Variants in SEMA3C observed in about 807,000 individuals in gnomAD.
SEMA3C encodes semaphorin-3C.
SEMA3C carries 47 observed loss-of-function variants against 89.4 expected under a neutral mutation model. The observed-to-expected ratio is 0.53, with a 90% CI of 0.42 to 0.67. SEMA3C has a LOEUF of 0.67. SEMA3C is among the 30% of genes least tolerant of loss of function. The pLI, the probability that SEMA3C is intolerant of heterozygous loss-of-function variation, is 0.00. For synonymous variants in SEMA3C, 310 were observed against 320.2 expected (o/e 0.97, Z 0.34); for missense variants, 839 against 929.1 (o/e 0.90, Z 1.26).
intron 12 of SEMA3C, among the ~76,000 whole-genome samples, chr7:80,768,512 TAA>T (rs10562607): frequency 0.14 from 18,640 of 133,978 alleles, 1,154 homozygotes; most frequent in African/African-American, 0.16. Flanking sequence ...AGACTCCGTC[TAA>T]AAAAAAAAAA....
intron 2 of SEMA3C, among the ~76,000 whole-genome samples, chr7:80,858,076 G>T (rs57824516): frequency 6.6e-6 from 1 of 151,754 alleles, no homozygotes; most frequent in African/African-American, 2.4e-5. Flanking sequence ...ATATTTTTAT[G>T]TGTCTAAAAG....
At chr7:80,902,105 A>T (rs975312352) in intron 2 of SEMA3C, among the ~76,000 whole-genome samples, 12 of 152,158 alleles carry the variant, frequency 7.9e-5, no homozygotes, top group Admixed American at 2.6e-4. Context: ...GGTGTGCACC[A>T]CCGCACTCAA....
chr7:80,743,009 GA>G lies in SEMA3C; in HGVS notation c.*1884del, dbSNP rs2117015408. On this transcript the variant is annotated 3_prime_UTR_variant, in exon 18 of 18. Transcript: ENST00000265361. ...AGTTTGGGCTTATGTGAAATAAAGG[GA>G]ACTGTGACTCTGAAACAATTTTACT... 6.6e-6 allele frequency: 1 copy of G among 151,952 alleles called. No individual in the cohort carries two copies. Among genetic ancestry groups the G allele is most frequent in the South Asian group, 2.1e-4 (1 of 4,816 alleles). The allele number at this position is 151,952 out of a possible 1,614,324, so 9.4% of individuals were successfully genotyped here. A position where few individuals can be genotyped will look rare whatever the true frequency, so the allele number is the denominator to read the frequency against.
chr7:80,791,508 A>C (rs1788940259), intron 11 of SEMA3C, among the ~76,000 whole-genome samples: 1 of 152,188 alleles, frequency 6.6e-6, no homozygotes, highest in South Asian at 2.1e-4. Context: ...GTAACAAAGC[A>C]AGCTGCCTGT....
At chr7:80,909,219 C>T (rs1302964225) in intron 2 of SEMA3C, among the ~76,000 whole-genome samples, 5 of 152,082 alleles carry the variant, frequency 3.3e-5, no homozygotes, top group African/African-American at 1.2e-4. Flanking sequence ...GAAGTTGCTT[C>T]TTCAGAGCTA....
At chr7:80,872,797 CAAAAA>C (rs1218885274) in intron 2 of SEMA3C, among the ~76,000 whole-genome samples, 6 of 40,090 alleles carry the variant, frequency 1.5e-4, no homozygotes, top group African/African-American at 1.7e-4. Context: ...GAGACTCTGT[CAAAAA>C]AAAAAAAAAA....
At position 80,758,922 on chromosome 7, in the gene SEMA3C, G is replaced by C. The variant is rs996056301; in HGVS notation, c.1486-434C>G. On this transcript the variant is annotated intron_variant, in intron 14 of 17. Coordinates refer to ENST00000265361, the MANE Select transcript of SEMA3C (RefSeq NM_006379.5). ...TGGTTTAAAATAAAGGGCATTTTAA[G>C]TTTAGAAGGAAAAAATGGTAAATAG... is the stretch of plus-strand genomic sequence containing the variant. Among the ~76,000 whole-genome samples, 7 of 152,256 alleles carry C rather than the reference G, an allele frequency of 4.6e-5. No homozygotes were observed. In the East Asian group the frequency reaches 1.3e-3, roughly 29 times the overall value.
At chr7:80,870,122 C>T (rs867967452) in intron 2 of SEMA3C, among the ~76,000 whole-genome samples, 7 of 152,262 alleles carry the variant, frequency 4.6e-5, no homozygotes, top group East Asian at 1.9e-4. Context: ...TTCCACTGCA[C>T]GGCTTCTTAC....
intron 2 of SEMA3C, among the ~76,000 whole-genome samples, chr7:80,859,132 AG>A (rs2115978896): frequency 6.6e-6 from 1 of 152,042 alleles, no homozygotes; most frequent in Admixed American, 6.6e-5. Context: ...TGAAAACTCA[AG>A]AAAAAAAAGA....
At chr7:80,782,161 C>A (rs531993870) in intron 12 of SEMA3C, among the ~76,000 whole-genome samples, 1 of 152,214 alleles carries the variant, frequency 6.6e-6, no homozygotes, top group East Asian at 1.9e-4. Context: ...CCTCTCACCC[C>A]CAATTTTTAT....
At chr7:80,896,817 G>C (rs1470032778) in intron 2 of SEMA3C, among the ~76,000 whole-genome samples, 2 of 152,106 alleles carry the variant, frequency 1.3e-5, no homozygotes, top group African/African-American at 4.8e-5. Context: ...CTTCAATGGG[G>C]CTTCTCCTTT....
intron 15 of SEMA3C, among the ~76,000 whole-genome samples, chr7:80,755,216 TA>T (rs1788038537): frequency 6.6e-6 from 1 of 151,694 alleles, no homozygotes; most frequent in Admixed American, 6.6e-5. Context: ...CTTTGTTTAT[TA>T]AAAAAGTATG....
At chr7:80,864,039 A>C (rs532040257) in intron 2 of SEMA3C, among the ~76,000 whole-genome samples, 1 of 151,848 alleles carries the variant, frequency 6.6e-6, no homozygotes, top group South Asian at 2.1e-4. Context: ...ACATATATAT[A>C]AATGACAGAC....
chr7:80,839,022 A>T (rs1790203639), intron 2 of SEMA3C, among the ~76,000 whole-genome samples: 1 of 152,144 alleles, frequency 6.6e-6, no homozygotes, highest in South Asian at 2.1e-4. Context: ...CTTGGAAGAC[A>T]TGGCCAATCT....
At position 80,838,763 on chromosome 7, in the gene SEMA3C, T is replaced by G. The variant is rs138369106; in HGVS notation, c.104-10018A>C. ...AAGAGAAAGAGAAAGAGCAAGAAAG[T>G]GCAACACTTAAAACCATCAGCTTTC... On this transcript the variant is annotated intron_variant, in intron 2 of 17. Coordinates refer to ENST00000265361, the MANE Select transcript of SEMA3C (RefSeq NM_006379.5). Among the ~76,000 whole-genome samples the G allele has an allele frequency of 2.2e-4, 34 of 152,130 alleles. No homozygotes were observed. In the East Asian group the frequency reaches 6.6e-3, roughly 30 times the overall value.
At chr7:80,848,414 T>C (rs1477160876) in intron 2 of SEMA3C, among the ~76,000 whole-genome samples, 1 of 152,080 alleles carries the variant, frequency 6.6e-6, no homozygotes, top group Non-Finnish European at 1.5e-5. Flanking sequence ...AAACAGTAAA[T>C]AAAATCTGGC....
chr7:80,870,539 AAC>A (rs1475907140), intron 2 of SEMA3C, among the ~76,000 whole-genome samples: 1 of 152,178 alleles, frequency 6.6e-6, no homozygotes, highest in East Asian at 1.9e-4. Flanking sequence ...GACAAACACT[AAC>A]ACAGACAGGG....
intron 12 of SEMA3C, among the ~76,000 whole-genome samples, chr7:80,779,509 C>T (rs1043434628): frequency 1.8e-4 from 27 of 152,180 alleles, no homozygotes; most frequent in African/African-American, 6.5e-4. Flanking sequence ...CCTTTTAGAT[C>T]GGATAATGTC....
At position 80,810,753 on chromosome 7, in the gene SEMA3C, G is replaced by A. The variant is rs866494857; in HGVS notation, c.448-52C>T. On this transcript the variant is annotated intron_variant, in intron 5 of 17. Coordinates refer to ENST00000265361, the MANE Select transcript of SEMA3C (RefSeq NM_006379.5). ...TGGCAATGATAACTTATTTAGTGAA[G>A]ACAATTGTTCATTAGTAAAACAAAG... is the stretch of plus-strand genomic sequence containing the variant. 14 of 1,357,270 alleles carry A rather than the reference G, an allele frequency of 1.0e-5. No individual in the cohort carries two copies. In the Middle Eastern group the frequency reaches 1.3e-3, roughly 122 times the overall value. 84.1% of individuals were successfully genotyped at this position (1,357,270 alleles called of 1,614,324 possible).
Sources: allele counts gnomAD v4.1 joint callset (sites outside exome capture counted in the v4.1 genomes callset), GRCh38; gene constraint gnomAD v4.1.1; transcripts MANE v1.5; gene names NCBI Gene and HGNC (gene_info 2026-07-23, HGNC 2026-07-21).